CST7: variants seen among roughly 807,000 people sequenced by gnomAD.
The protein encoded by CST7 is cystatin-F.
A neutral mutation model predicts 13.1 loss-of-function variants in CST7; 15 were observed. The ratio of observed to expected loss-of-function variants is 1.14; its 90% CI spans 0.77 to 1.76. CST7 has a LOEUF of 1.76. Among genes scored for constraint, CST7 ranks in the 40% most tolerant of loss-of-function variants. The probability of loss-of-function intolerance (pLI) is 0.00; values close to 1 mark genes in which losing one functional copy is unlikely to be tolerated. For missense variants in CST7, 193 were observed against 178.8 expected (o/e 1.08, Z -0.45); for synonymous variants, 75 against 66.9 (o/e 1.12, Z -0.59).
chr20:24,950,186 C>T (rs1275823087), intron 1 of CST7, among the ~76,000 whole-genome samples: 2 of 152,206 alleles, frequency 1.3e-5, no homozygotes, highest in African/African-American at 2.4e-5. Context: ...GGGAACTGGG[C>T]CATGGCCTCC....
At chr20:24,953,795 C>T (rs2087835878) in intron 1 of CST7, among the ~76,000 whole-genome samples, 1 of 152,200 alleles carries the variant, frequency 6.6e-6, no homozygotes, top group South Asian at 2.1e-4. Context: ...CCTGGCCTGC[C>T]CCAGGCATTG....
chr20:24,959,371 T>C (rs775523909), intron 3 of CST7, among the ~76,000 whole-genome samples: 6 of 152,160 alleles, frequency 3.9e-5, no homozygotes, highest in Non-Finnish European at 8.8e-5. Context: ...TATACATACA[T>C]ATGATATGTA....
chr20:24,950,244 C>G (rs1054466293), intron 1 of CST7, among the ~76,000 whole-genome samples: 4 of 152,216 alleles, frequency 2.6e-5, no homozygotes, highest in African/African-American at 9.6e-5. Context: ...TGGGAGGCCC[C>G]CACCTCATTT....
chr20:24,953,292 G>A (rs906822330), intron 1 of CST7, among the ~76,000 whole-genome samples: 7 of 152,218 alleles, frequency 4.6e-5, no homozygotes, highest in Admixed American at 1.3e-4. Flanking sequence ...TCCCCGAGGA[G>A]GCTGGGGCCC....
intron 1 of CST7, among the ~76,000 whole-genome samples, chr20:24,952,273 T>C (rs2087824412): frequency 1.3e-5 from 2 of 152,178 alleles, no homozygotes; most frequent in Non-Finnish European, 2.9e-5. Flanking sequence ...ACACGGAGGC[T>C]CAGAGAGGTT....
rs543230470 is a variant in CST7, at chr20:24,957,213, G to C, written c.71-74G>C. 1.9e-5 allele frequency: 28 copies of C among 1,471,370 alleles called. No homozygotes were observed. In the South Asian group the frequency reaches 3.1e-4, roughly 17 times the overall value. The allele number at this position is 1,471,370 out of a possible 1,614,324, so 91.1% of individuals were successfully genotyped here. ...CCAGCAGAGAACTGAGCATCACAGA[G>C]GCATGAGGCGTGACACCTGGACTGA... On this transcript the variant is annotated intron_variant, in intron 1 of 3. Coordinates refer to ENST00000480798, the MANE Select transcript of CST7 (RefSeq NM_003650.4).
chr20:24,957,186 C>A, intron 1 of CST7, 101 bp from the exon 2 acceptor site: 5 of 1,225,926 alleles, frequency 4.1e-6, no homozygotes, highest in South Asian at 1.5e-5. Context: ...AGGACACACA[C>A]GCCAGCAGAG....
chr20:24,952,924 A>G (rs1311706062), intron 1 of CST7, among the ~76,000 whole-genome samples: 1 of 151,676 alleles, frequency 6.6e-6, no homozygotes, highest in Non-Finnish European at 1.5e-5. Flanking sequence ...GGCAGGTGGG[A>G]AGGGTCTGCC....
intron 1 of CST7, among the ~76,000 whole-genome samples, chr20:24,957,030 AG>A (rs2087860769): frequency 5.9e-3 from 13 of 2,208 alleles, no homozygotes; most frequent in East Asian, 0.014. Flanking sequence ...AGGTGAGGGG[AG>A]CAGGTGAGAG....
chr20:24,951,302 G>C (rs187556626), intron 1 of CST7, among the ~76,000 whole-genome samples: 7 of 152,186 alleles, frequency 4.6e-5, no homozygotes, highest in Admixed American at 1.3e-4. Context: ...GAGGTGGCTC[G>C]GGGAAGGCAC....
At chr20:24,955,488 T>C (rs1052424800) in intron 1 of CST7, among the ~76,000 whole-genome samples, 8 of 150,976 alleles carry the variant, frequency 5.3e-5, no homozygotes, top group African/African-American at 1.5e-4. Context: ...CTCGCTCTGT[T>C]GCCCAGGCTG....
At chr20:24,950,393 C>A (rs1600958323) in intron 1 of CST7, among the ~76,000 whole-genome samples, 1 of 152,224 alleles carries the variant, frequency 6.6e-6, no homozygotes, top group Admixed American at 6.5e-5. Flanking sequence ...GGACCACTGA[C>A]AAGAGGATGG....
chr20:24,958,779 G>A lies in CST7; in HGVS notation c.244-149G>A, dbSNP rs372937571. On this transcript the variant is annotated intron_variant, in intron 2 of 3. Transcript: ENST00000480798. ...GTGGGAGGGGTCTGCAGGCTCTGCC[G>A]TAAGCCCGAAGCATTGCCCCAAGAT... 1.4e-4 allele frequency: 93 copies of A among 647,074 alleles called. 1 individual carries two copies. The highest frequency in any genetic ancestry group is 1.3e-3 in the South Asian group (71 of 55,612). The allele number at this position is 647,074 out of a possible 1,614,324, so 40.1% of individuals were successfully genotyped here.
rs548430373 is a variant in CST7, at chr20:24,955,550, C to T, written c.71-1737C>T. Among the ~76,000 whole-genome samples the T allele has an allele frequency of 5.2e-4, 79 of 151,680 alleles. 1 individual carries two copies. Among genetic ancestry groups the T allele is most frequent in the Non-Finnish European group, 7.9e-4 (54 of 67,930 alleles). ...CTGCAAGCTCCGCCTCCCGGGTTCA[C>T]GCCATTCTCCTGCCTCATCCTCCCG... On this transcript the variant is annotated intron_variant, in intron 1 of 3. Transcript: ENST00000480798.
intron 1 of CST7, among the ~76,000 whole-genome samples, chr20:24,950,390 T>C (rs551167717): frequency 3.3e-5 from 5 of 152,316 alleles, no homozygotes; most frequent in Non-Finnish European, 5.9e-5. Flanking sequence ...GCAGGACCAC[T>C]GACAAGAGGA....
Position 24,951,630 on chromosome 20 carries a change from G to A in CST7, c.70+2055G>A, listed in dbSNP as rs537854615. Among the ~76,000 whole-genome samples the A allele has an allele frequency of 3.3e-5, 5 of 152,292 alleles. No individual in the cohort carries two copies. In the South Asian group the frequency reaches 1.0e-3, roughly 32 times the overall value. ...GAATAAATTACAGAGCCTTCCTCAT[G>A]ACTGAGGGGGGTAGGGGGCGGGGAA... On this transcript the variant is annotated intron_variant, in intron 1 of 3. Transcript: ENST00000480798.
chr20:24,955,006 C>A (rs966194884), intron 1 of CST7, among the ~76,000 whole-genome samples: 6 of 151,422 alleles, frequency 4.0e-5, no homozygotes, highest in Admixed American at 4.0e-4. Flanking sequence ...CAATGGACAG[C>A]CATATTAATG....
intron 1 of CST7, among the ~76,000 whole-genome samples, chr20:24,954,102 G>A (rs1010538496): frequency 9.2e-5 from 14 of 152,078 alleles, no homozygotes; most frequent in Admixed American, 2.6e-4. Context: ...CACTGTGGGC[G>A]GGGCCTGTCT....
rs556848032 is a variant in CST7, at chr20:24,953,008, C to G, written c.70+3433C>G. The stretch of plus-strand genomic sequence containing the variant: ...CTTAGTGCCAGCTCTGCCACTGGGC[C>G]TATGCTCTGAGGACAGGAACGTACC... On this transcript the variant is annotated intron_variant, in intron 1 of 3. Transcript: ENST00000480798. Among the ~76,000 whole-genome samples the G allele has an allele frequency of 2.6e-5, 4 of 152,366 alleles. No homozygotes were observed. In the East Asian group the frequency reaches 5.8e-4, roughly 22 times the overall value.
Sources: gnomAD v4.1 joint callset for allele counts (sites outside exome capture counted in the v4.1 genomes callset) on GRCh38, gnomAD v4.1.1 for gene constraint, MANE v1.5 for transcripts, NCBI Gene and HGNC (gene_info 2026-07-23, HGNC 2026-07-21) for gene names.